RXFP1: variants seen among roughly 807,000 people sequenced by gnomAD.
RXFP1 encodes relaxin family peptide receptor 1, also known as relaxin receptor 1.
Under a neutral mutation model 89.8 loss-of-function variants are expected in RXFP1, and 73 were observed. The ratio of observed to expected loss-of-function variants is 0.81; its 90% CI spans 0.67 to 0.99. RXFP1 has a LOEUF of 0.99. Among genes scored for constraint, RXFP1 ranks in the 50% least tolerant of loss-of-function variants. The probability of loss-of-function intolerance (pLI) is 0.00; values close to 1 mark genes in which losing one functional copy is unlikely to be tolerated. For missense variants in RXFP1, 793 were observed against 895.5 expected, an observed-to-expected ratio of 0.89 and a Z score of 1.46; for synonymous variants, 277 against 305.5, an observed-to-expected ratio of 0.91 and a Z score of 0.97.
chr4:158,603,528 T>C (rs958000578), intron 4 of RXFP1, among the ~76,000 whole-genome samples: 5 of 152,182 alleles, frequency 3.3e-5, no homozygotes, highest in African/African-American at 1.2e-4. Flanking sequence ...TTCATTATTG[T>C]TTCCCTTCCC....
At chr4:158,620,251 A>G (rs57404427) in intron 9 of RXFP1, among the ~76,000 whole-genome samples, 33,633 of 152,124 alleles carry the variant, frequency 0.22, 5,497 homozygotes, top group African/African-American at 0.45. Context: ...ATGTCATAGA[A>G]AGCTTTCAAA....
In RXFP1 at chr4:158,586,749, G is replaced by T. The variant is rs143887052; in HGVS notation, c.188-6652G>T. On this transcript the variant is annotated intron_variant, in intron 2 of 17. Coordinates refer to ENST00000307765, the MANE Select transcript of RXFP1 (RefSeq NM_021634.4). ...TAGAAAGAGGAAAATACTTTGGAAA[G>T]GCAGAAAGAAAAGTAAAAGCTTATT... 4.0e-3 allele frequency among the ~76,000 whole-genome samples: 610 copies of T among 152,236 alleles called. 2 individuals carry two copies. Among genetic ancestry groups the T allele is most frequent in the Admixed American group, 5.7e-3 (87 of 15,292 alleles).
chr4:158,623,948 C>G (rs1294427342), intron 9 of RXFP1, among the ~76,000 whole-genome samples: 1 of 152,068 alleles, frequency 6.6e-6, no homozygotes, highest in East Asian at 1.9e-4. Flanking sequence ...TGTAAAACAA[C>G]CATATCAGCC....
chr4:158,633,024 G>A (rs557754417), intron 11 of RXFP1, among the ~76,000 whole-genome samples: 2 of 152,130 alleles, frequency 1.3e-5, no homozygotes, highest in South Asian at 4.2e-4. Flanking sequence ...ACAAAAATTA[G>A]CCAGGCGTGG....
At chr4:158,614,197 C>T (rs1323821618) in intron 8 of RXFP1, among the ~76,000 whole-genome samples, 1 of 152,120 alleles carries the variant, frequency 6.6e-6, no homozygotes, top group Admixed American at 6.5e-5. Context: ...TAGCGTAATT[C>T]TTGAGGGCCC....
chr4:158,591,265 T>C (rs1759406152), intron 2 of RXFP1, among the ~76,000 whole-genome samples: 2 of 152,220 alleles, frequency 1.3e-5, no homozygotes, highest in Non-Finnish European at 2.9e-5. Flanking sequence ...TTTTAGTCTC[T>C]ATTTGGCTAT....
intron 1 of RXFP1, among the ~76,000 whole-genome samples, chr4:158,533,004 T>G (rs1351937154): frequency 2.6e-5 from 4 of 152,196 alleles, no homozygotes; most frequent in Non-Finnish European, 5.9e-5. Context: ...GACAGGGTGC[T>G]TCCTTCTCAC....
At chr4:158,612,450 A>T (rs2150133093) in intron 8 of RXFP1, 88 bp downstream of exon 8, 1 of 973,350 alleles carries the variant, frequency 1.0e-6, no homozygotes, top group South Asian at 1.7e-5. Flanking sequence ...TTAAATTTGG[A>T]TTTGTTAAAA....
At chr4:158,606,503 TAAAC>T (rs1762555630) in intron 5 of RXFP1, among the ~76,000 whole-genome samples, 1 of 152,150 alleles carries the variant, frequency 6.6e-6, no homozygotes, top group Non-Finnish European at 1.5e-5. Context: ...ACACTAGAAA[TAAAC>T]AAACAAATGC....
chr4:158,524,926 T>G (rs927848856), intron 1 of RXFP1, among the ~76,000 whole-genome samples: 1 of 152,180 alleles, frequency 6.6e-6, no homozygotes, highest in Non-Finnish European at 1.5e-5. Context: ...CACTTTAGTA[T>G]TTTGCCAAGG....
At chr4:158,541,417 G>A (rs888876577) in intron 1 of RXFP1, among the ~76,000 whole-genome samples, 2 of 147,568 alleles carry the variant, frequency 1.4e-5, no homozygotes, top group African/African-American at 5.1e-5. Context: ...CTCAAAAACT[G>A]TATGAGTATA....
At position 158,650,201 on chromosome 4, in the gene RXFP1, T is replaced by C. The variant is rs1439667499; in HGVS notation, c.1975+1484T>C. On this transcript the variant is annotated intron_variant, in intron 17 of 17. Transcript: ENST00000307765. ...CTGATATAGTTAGATTCATAGAACATAGAACGGTGTTTTCTAGGGGTTGGG... is the reference window on the plus strand; with the variant it reads ...CTGATATAGTTAGATTCATAGAACACAGAACGGTGTTTTCTAGGGGTTGGG... 2.0e-5 allele frequency among the ~76,000 whole-genome samples: 3 copies of C among 152,216 alleles called. No individual in the cohort carries two copies. The East Asian group carries it at 5.8e-4, about 29-fold the overall frequency.
rs1024078573 is a variant in RXFP1 at position 158,652,924 on chromosome 4, C to T, written c.*869C>T. 8 of 152,170 alleles carry T rather than the reference C, an allele frequency of 5.3e-5. No individual in the cohort carries two copies. The highest frequency in any genetic ancestry group is 8.8e-5 in the Non-Finnish European group (6 of 68,032). 9.4% of individuals were successfully genotyped at this position (152,170 alleles called of 1,614,324 possible). Reference sequence around the variant, plus strand: ...TCAACAAACCGTGCTGTTTTAAGAACAGACCTAAGTGGTTTAATTCACCCA... The same window carrying T: ...TCAACAAACCGTGCTGTTTTAAGAATAGACCTAAGTGGTTTAATTCACCCA... On this transcript the variant is annotated 3_prime_UTR_variant, in exon 18 of 18. Coordinates refer to ENST00000307765, the MANE Select transcript of RXFP1 (RefSeq NM_021634.4).
At chr4:158,525,263 G>A (rs1742221572) in intron 1 of RXFP1, among the ~76,000 whole-genome samples, 1 of 151,608 alleles carries the variant, frequency 6.6e-6, no homozygotes, top group African/African-American at 2.4e-5. Context: ...AAATTTATGG[G>A]GCATGAGTGC....
chr4:158,531,463 G>C (rs1314107789), intron 1 of RXFP1, among the ~76,000 whole-genome samples: 1 of 151,918 alleles, frequency 6.6e-6, no homozygotes, highest in African/African-American at 2.4e-5. Context: ...TACTGCACAG[G>C]GTCATCTTGA....
In RXFP1 at chr4:158,542,743, A is replaced by T. The variant is rs150469753; in HGVS notation, c.49+20718A>T. ...TTGGCAATCATTGCAGAGTTCCTTT[A>T]CTTAATTTCAGTTCTTTTGCTCCTT... On this transcript the variant is annotated intron_variant, in intron 1 of 17. Coordinates refer to ENST00000307765, the MANE Select transcript of RXFP1 (RefSeq NM_021634.4). Among the ~76,000 whole-genome samples, 569 of 152,228 alleles carry T rather than the reference A, an allele frequency of 3.7e-3. 3 individuals are homozygous for T. The highest frequency in any genetic ancestry group is 0.013 in the African/African-American group (539 of 41,512).
In RXFP1 at chr4:158,598,886, G is replaced by A. The variant is rs368545791; in HGVS notation, c.287-440G>A. Among the ~76,000 whole-genome samples the A allele has an allele frequency of 4.3e-4, 65 of 151,622 alleles. No homozygotes were observed. The South Asian group carries it at 0.014, about 32-fold the overall frequency. On this transcript the variant is annotated intron_variant, in intron 3 of 17. Coordinates refer to ENST00000307765, the MANE Select transcript of RXFP1 (RefSeq NM_021634.4). ...TTCTCCTCGTTCTTGCTAGTTAAAA[G>A]TGATTTATTCCTCCTTTAAAGGTTT...
At position 158,646,888 on chromosome 4, in the gene RXFP1, G is replaced by A; in HGVS notation, c.1443G>A (p.Glu481=). The part of the protein sequence containing the change: ...EYNKHAQLWM[E]STHCQLVGSL... Reference sequence around the variant, plus strand: ...ATAAGCATGCGCAGCTGTGGATGGAGAGTACTCATTGTCAGCTTGTAGGAT... The same window carrying A: ...ATAAGCATGCGCAGCTGTGGATGGAAAGTACTCATTGTCAGCTTGTAGGAT... Residue 481 remains glutamate, a synonymous_variant, in exon 16 of 18, where the codon GAG becomes GAA. Coordinates refer to ENST00000307765, the MANE Select transcript of RXFP1 (RefSeq NM_021634.4). The A allele has an allele frequency of 1.2e-6, 2 of 1,614,160 alleles. No individual in the cohort carries two copies. Among genetic ancestry groups the A allele is most frequent in the Non-Finnish European group, 1.7e-6 (2 of 1,179,996 alleles).
At chr4:158,636,522 G>A (rs1769194814) in intron 12 of RXFP1, among the ~76,000 whole-genome samples, 2 of 152,112 alleles carry the variant, frequency 1.3e-5, no homozygotes, top group African/African-American at 4.8e-5. Context: ...TAATCACAGA[G>A]TATCTACCAC....
Sources: gnomAD v4.1 joint callset for allele counts (sites outside exome capture counted in the v4.1 genomes callset) on GRCh38, gnomAD v4.1.1 for gene constraint, MANE v1.5 for transcripts, NCBI Gene and HGNC (gene_info 2026-07-23, HGNC 2026-07-21) for gene names.